The following PTPRD variants were observed in gnomAD, a reference collection of about 807,000 sequenced individuals.
PTPRD encodes protein tyrosine phosphatase receptor type D.
PTPRD carries 34 observed loss-of-function variants against 214.5 expected under a neutral mutation model. The ratio of observed to expected loss-of-function variants is 0.16; its 90% CI spans 0.12 to 0.21. The LOEUF (loss-of-function observed/expected upper bound fraction) is 0.21, where lower values mean the gene tolerates loss of function less well. Ranked by LOEUF, PTPRD falls within the 10% of genes least tolerant of loss-of-function variation. The pLI is 1.00. For synonymous variants in PTPRD, 1,128 were observed against 845.7 expected (o/e 1.33, Z -5.79); for missense variants, 2,545 against 2,398.7 (o/e 1.06, Z -1.27).
At chr9:9,275,353 G>A (rs982615874) in intron 9 of PTPRD, among the ~76,000 whole-genome samples, 2 of 148,106 alleles carry the variant, frequency 1.4e-5, no homozygotes. Flanking sequence ...AACTTATATT[G>A]TAAAATGTCC....
At position 8,635,447 on chromosome 9, in the gene PTPRD, A is replaced by C. The variant is rs544146621; in HGVS notation, c.210+1252T>G. Reference sequence around the variant, plus strand: ...AGATATTTTTGTATTTAAATAAATTATATTTCAATAATAATCAAGTATTTG... The same window carrying C: ...AGATATTTTTGTATTTAAATAAATTCTATTTCAATAATAATCAAGTATTTG... On this transcript the variant is annotated intron_variant, in intron 13 of 45. Transcript: ENST00000381196. Among the ~76,000 whole-genome samples the C allele has an allele frequency of 1.3e-4, 20 of 152,208 alleles. 2 individuals carry two copies. The highest frequency in any genetic ancestry group is 4.6e-4 in the African/African-American group (19 of 41,556).
intron 39 of PTPRD, among the ~76,000 whole-genome samples, chr9:8,363,164 C>T (rs1035834222): frequency 5.9e-5 from 9 of 152,148 alleles, no homozygotes. Flanking sequence ...AATTTGGAGG[C>T]TTACCATTGT....
chr9:9,638,162 T>C (rs951286900), intron 7 of PTPRD, among the ~76,000 whole-genome samples: 5 of 152,220 alleles, frequency 3.3e-5, no homozygotes, highest in African/African-American at 1.2e-4. Flanking sequence ...TACTGCTTTA[T>C]TCTTTACTTG....
At chr9:8,628,739 G>A (rs1384204368) in intron 14 of PTPRD, among the ~76,000 whole-genome samples, 4 of 151,702 alleles carry the variant, frequency 2.6e-5, no homozygotes, top group African/African-American at 9.7e-5. Context: ...GGTACTTCAC[G>A]TATTATCTTT....
At chr9:8,465,374 G>T in intron 32 of PTPRD, 92 bp downstream of exon 32, 1 of 1,150,386 alleles carries the variant, frequency 8.7e-7, no homozygotes, top group Non-Finnish European at 1.3e-6. Flanking sequence ...AAATAATGAG[G>T]ATGGATATAC....
intron 9 of PTPRD, among the ~76,000 whole-genome samples, chr9:9,328,266 C>A (rs1242499370): frequency 6.6e-6 from 1 of 151,992 alleles, no homozygotes; most frequent in African/African-American, 2.4e-5. Context: ...AGAGACACTG[C>A]CAAATAGTGG....
rs1281045652 is a variant in PTPRD, at chr9:8,808,307, A to G, written c.-103-74361T>C. Among the ~76,000 whole-genome samples, 4 of 152,160 alleles carry G rather than the reference A, an allele frequency of 2.6e-5. No homozygotes were observed. The South Asian group carries it at 6.2e-4, about 24-fold the overall frequency. On this transcript the variant is annotated intron_variant, in intron 11 of 45. Transcript: ENST00000381196. The stretch of plus-strand genomic sequence containing the variant: ...GCTCCCATTTGCTCCCTCCACCACA[A>G]TCCTACTCCGTGCAGACACTGCGTC...
At chr9:8,973,935 C>A (rs991085055) in intron 11 of PTPRD, among the ~76,000 whole-genome samples, 1 of 151,742 alleles carries the variant, frequency 6.6e-6, no homozygotes, top group Non-Finnish European at 1.5e-5. Context: ...TAATTGTTTA[C>A]ATTTCTTATA....
chr9:8,414,945 G>T (rs1316134588), intron 35 of PTPRD, among the ~76,000 whole-genome samples: 1 of 146,132 alleles, frequency 6.8e-6, no homozygotes, highest in Non-Finnish European at 1.5e-5. Flanking sequence ...GAGAGAGAGA[G>T]AGAGAGAGAG....
chr9:9,275,699 A>G (rs529991492), intron 9 of PTPRD, among the ~76,000 whole-genome samples: 2 of 151,312 alleles, frequency 1.3e-5, no homozygotes, highest in South Asian at 4.1e-4. Flanking sequence ...GAAGGCCAAC[A>G]CTAAAATGTA....
intron 9 of PTPRD, among the ~76,000 whole-genome samples, chr9:9,352,802 C>G (rs938554235): frequency 6.6e-6 from 1 of 152,014 alleles, no homozygotes; most frequent in East Asian, 1.9e-4. Context: ...GAAGAAGATT[C>G]TCTTCTTAAA....
chr9:8,633,174 C>G (rs989826450), intron 14 of PTPRD, 143 bp downstream of exon 14: 5 of 1,021,608 alleles, frequency 4.9e-6, no homozygotes, highest in Non-Finnish European at 5.6e-6. Flanking sequence ...TATCCACTGT[C>G]TAATTAAAGT....
chr9:10,346,189 T>C (rs902463158), intron 2 of PTPRD, among the ~76,000 whole-genome samples: 11 of 152,184 alleles, frequency 7.2e-5, no homozygotes, highest in African/African-American at 2.4e-4. Context: ...TAGAAGTCTA[T>C]GAAAAGAATT....
At chr9:10,514,729 A>G (rs1047389879) in intron 2 of PTPRD, among the ~76,000 whole-genome samples, 2 of 151,972 alleles carry the variant, frequency 1.3e-5, no homozygotes, top group African/African-American at 4.8e-5. Flanking sequence ...AGACTAGATA[A>G]ATTTACGTAT....
At chr9:9,646,867 A>G (rs753653408) in intron 7 of PTPRD, among the ~76,000 whole-genome samples, 19 of 152,344 alleles carry the variant, frequency 1.2e-4, no homozygotes, top group Non-Finnish European at 2.5e-4. Flanking sequence ...TAGTACAATA[A>G]TGTGGTCTTT....
chr9:10,581,546 A>T (rs2132421354), intron 2 of PTPRD, among the ~76,000 whole-genome samples: 1 of 152,326 alleles, frequency 6.6e-6, no homozygotes, highest in African/African-American at 2.4e-5. Context: ...AAGTATTCAT[A>T]ATTTCTGCTA....
intron 5 of PTPRD, among the ~76,000 whole-genome samples, chr9:9,929,101 A>G (rs181349577): frequency 4.1e-4 from 62 of 152,278 alleles, no homozygotes; most frequent in African/African-American, 1.5e-3. Context: ...TCTGTCCGCT[A>G]TACCTATTTT....
At chr9:8,679,403 T>C (rs2154371089) in intron 12 of PTPRD, among the ~76,000 whole-genome samples, 1 of 152,318 alleles carries the variant, frequency 6.6e-6, no homozygotes, top group African/African-American at 2.4e-5. Flanking sequence ...TCCTTGATGG[T>C]CATCACTTCA....
intron 4 of PTPRD, among the ~76,000 whole-genome samples, chr9:10,015,793 C>T (rs529793703): frequency 1.8e-4 from 27 of 152,292 alleles, no homozygotes; most frequent in African/African-American, 6.0e-4. Flanking sequence ...AAATTTATTT[C>T]TCCTCTGGTA....
Sources: gnomAD v4.1 joint callset for allele counts (sites outside exome capture counted in the v4.1 genomes callset) on GRCh38, gnomAD v4.1.1 for gene constraint, MANE v1.5 for transcripts, NCBI Gene and HGNC (gene_info 2026-07-23, HGNC 2026-07-21) for gene names.